The following CENPO variants were observed in gnomAD, a reference collection of about 807,000 sequenced individuals.
CENPO encodes centromeric protein O.
Under a neutral mutation model 36.1 loss-of-function variants are expected in CENPO, and 30 were observed. The ratio of observed to expected loss-of-function variants is 0.83; its 90% confidence interval spans 0.62 to 1.13. The LOEUF (loss-of-function observed/expected upper bound fraction) is 1.13. CENPO is among the 50% of genes most tolerant of loss of function. The pLI is 0.00. For synonymous variants in CENPO, 171 were observed against 142.3 expected, an observed-to-expected ratio of 1.20 and a Z score of -1.44; for missense variants, 349 against 357.8, an observed-to-expected ratio of 0.98 and a Z score of 0.20.
intron 3 of CENPO, among the ~76,000 whole-genome samples, chr2:24,801,118 A>G (rs1666143528): frequency 6.6e-6 from 1 of 152,250 alleles, no homozygotes; most frequent in Admixed American, 6.5e-5. Context: ...GGCTGCAGAA[A>G]TGTCTTCTTT....
chr2:24,822,370 A>G lies in CENPO; in HGVS notation c.*3052A>G. The G allele has an allele frequency of 8.3e-7, 1 of 1,208,398 alleles. No individual in the cohort carries two copies. Among genetic ancestry groups the G allele is most frequent in the Admixed American group, 2.3e-5 (1 of 43,974 alleles). The allele number at this position is 1,208,398 out of a possible 1,614,324, so 74.9% of individuals were successfully genotyped here. A position where few individuals can be genotyped will look rare whatever the true frequency, so the allele number is the denominator to read the frequency against. ...ACTTTCTCAATAAACCCTATTTCTT[A>G]TTTATATTTACGTGGTGCTGGTGGT... On this transcript the variant is annotated 3_prime_UTR_variant, in exon 8 of 8. Transcript: ENST00000380834.
At position 24,805,025 on chromosome 2, in the gene CENPO, C is replaced by A. The variant is rs554046445; in HGVS notation, c.216+5181C>A. ...TATTTCTTGGAGGCTTTGTTCGTTT[C>A]TTTTTATTCTTTTTTCTCTAAACTT... On this transcript the variant is annotated intron_variant, in intron 3 of 7. Transcript: ENST00000380834. Among the ~76,000 whole-genome samples the A allele has an allele frequency of 1.5e-3, 229 of 152,278 alleles. 1 individual carries two copies. The highest frequency in any genetic ancestry group is 5.5e-3 in the African/African-American group (227 of 41,548).
At chr2:24,814,311 G>A in intron 3 of CENPO, 65 bp from the exon 4 acceptor site, 1 of 809,168 alleles carries the variant, frequency 1.2e-6, no homozygotes, top group South Asian at 1.3e-5. Context: ...CATCCAGTTG[G>A]GGGAGGGCGG....
At chr2:24,802,464 T>G (rs981753577) in intron 3 of CENPO, among the ~76,000 whole-genome samples, 6 of 152,202 alleles carry the variant, frequency 3.9e-5, no homozygotes, top group Non-Finnish European at 7.3e-5. Flanking sequence ...GGCTGTGGGT[T>G]TGTCATAGAT....
intron 3 of CENPO, among the ~76,000 whole-genome samples, chr2:24,806,584 G>GTA (rs989259766): frequency 3.9e-5 from 6 of 152,152 alleles, no homozygotes; most frequent in African/African-American, 1.2e-4. Flanking sequence ...TACATATTGG[G>GTA]TATATGCCTG....
intron 4 of CENPO, 95 bp from the exon 5 acceptor site, chr2:24,815,402 C>G (rs1666893842): frequency 3.4e-6 from 3 of 894,484 alleles, no homozygotes; most frequent in Non-Finnish European, 3.7e-6. Flanking sequence ...ACAAAGTGTA[C>G]ATATTCTAGG....
Position 24,820,724 on chromosome 2 carries a change from C to A in CENPO, c.*1406C>A. 6.2e-7 allele frequency: 1 copy of A among 1,614,054 alleles called. No individual in the cohort carries two copies. The highest frequency in any genetic ancestry group is 8.5e-7 in the Non-Finnish European group (1 of 1,179,980). Reference sequence around the variant, plus strand: ...GTGCCAGCTGTGCCACTGGACATACCTGAATGTTGCCCATGACCCCCGTGG... The same window carrying A: ...GTGCCAGCTGTGCCACTGGACATACATGAATGTTGCCCATGACCCCCGTGG... On this transcript the variant is annotated 3_prime_UTR_variant, in exon 8 of 8. Transcript: ENST00000380834.
At chr2:24,811,693 C>T (rs1221916005) in intron 3 of CENPO, among the ~76,000 whole-genome samples, 2 of 152,130 alleles carry the variant, frequency 1.3e-5, no homozygotes, top group Non-Finnish European at 2.9e-5. Context: ...GATCTCCTGA[C>T]CTCGTGATCC....
chr2:24,814,620 TCACACACACACACA>T (rs10618594), intron 4 of CENPO, 127 bp downstream of exon 4: 2 of 545,848 alleles, frequency 3.7e-6, no homozygotes, highest in Non-Finnish European at 6.7e-6. Flanking sequence ...CCCTCATCAC[TCACACACACACACA>T]CACACAGACA....
At chr2:24,797,058 A>G (rs1665939964) in intron 2 of CENPO, among the ~76,000 whole-genome samples, 1 of 152,232 alleles carries the variant, frequency 6.6e-6, no homozygotes, top group African/African-American at 2.4e-5. Context: ...ATTTTGAAAT[A>G]TGGCTTCAGT....
At chr2:24,801,681 T>C (rs1384767801) in intron 3 of CENPO, among the ~76,000 whole-genome samples, 2 of 152,234 alleles carry the variant, frequency 1.3e-5, no homozygotes, top group Non-Finnish European at 2.9e-5. Flanking sequence ...GTTCCATTGG[T>C]CTATATCTCT....
intron 2 of CENPO, among the ~76,000 whole-genome samples, chr2:24,796,535 G>A (rs1224907414): frequency 2.6e-5 from 4 of 152,090 alleles, no homozygotes; most frequent in Admixed American, 1.3e-4. Flanking sequence ...TATAGTGGCC[G>A]GGTGCGGTGG....
intron 4 of CENPO, chr2:24,814,792 C>T (rs1329093158): frequency 3.5e-6 from 1 of 283,754 alleles, no homozygotes; most frequent in Non-Finnish European, 6.6e-6. Context: ...ACTGTCTTTA[C>T]TGCTGGCTTG....
intron 3 of CENPO, among the ~76,000 whole-genome samples, chr2:24,805,224 C>T (rs1038047402): frequency 2.0e-5 from 3 of 152,112 alleles, no homozygotes; most frequent in Non-Finnish European, 2.9e-5. Context: ...GTTAGCCATT[C>T]GTGTAATTTT....
At position 24,821,612 on chromosome 2, in the gene CENPO, T is replaced by G. The variant is rs766171264; in HGVS notation, c.*2294T>G. 1.2e-6 allele frequency: 2 copies of G among 1,614,186 alleles called. No individual in the cohort carries two copies. The highest frequency in any genetic ancestry group is 1.7e-6 in the Non-Finnish European group (2 of 1,180,032). ...GAAGTCGGCCAGGTCAGCCAGGTGCTGCCAGCGCTCTCTCTCGGACTTGTC... is the reference window on the plus strand; with the variant it reads ...GAAGTCGGCCAGGTCAGCCAGGTGCGGCCAGCGCTCTCTCTCGGACTTGTC... On this transcript the variant is annotated 3_prime_UTR_variant, in exon 8 of 8. Coordinates refer to ENST00000380834, the MANE Select transcript of CENPO (RefSeq NM_001322101.2).
intron 3 of CENPO, among the ~76,000 whole-genome samples, chr2:24,801,809 G>A (rs1370554294): frequency 2.0e-5 from 3 of 152,156 alleles, no homozygotes; most frequent in African/African-American, 7.2e-5. Flanking sequence ...TGGCAATGGG[G>A]GCTCTTTTTT....
At chr2:24,803,379 T>A (rs1255166609) in intron 3 of CENPO, among the ~76,000 whole-genome samples, 3 of 151,774 alleles carry the variant, frequency 2.0e-5, no homozygotes, top group South Asian at 2.1e-4. Context: ...AGCTTTTGAA[T>A]GTGTTTGCTT....
chr2:24,821,554 G>A lies in CENPO; in HGVS notation c.*2236G>A. 2 of 1,614,206 alleles carry A rather than the reference G, an allele frequency of 1.2e-6. No homozygotes were observed. The highest frequency in any genetic ancestry group is 1.7e-6 in the Non-Finnish European group (2 of 1,180,028). Reference sequence around the variant, plus strand: ...TGAAGTTATTGAAGGACTGGTTGTTGATGTTGGTGAGCGTATCCTTCATGG... The same window carrying A: ...TGAAGTTATTGAAGGACTGGTTGTTAATGTTGGTGAGCGTATCCTTCATGG... On this transcript the variant is annotated 3_prime_UTR_variant, in exon 8 of 8. Transcript: ENST00000380834.
Position 24,821,692 on chromosome 2 carries a change from C to G in CENPO, c.*2374C>G. 6.3e-7 allele frequency: 1 copy of G among 1,593,500 alleles called. No homozygotes were observed. Among genetic ancestry groups the G allele is most frequent in the South Asian group, 1.1e-5 (1 of 89,060 alleles). ...GTCAGGGGCCGCTCACTGCAGCAGC[C>G]TGCTCTGCTGCCTTCCCTGGCAGTG... On this transcript the variant is annotated 3_prime_UTR_variant, in exon 8 of 8. Transcript: ENST00000380834.
Sources: gnomAD v4.1 joint callset for allele counts (sites outside exome capture counted in the v4.1 genomes callset) on GRCh38, gnomAD v4.1.1 for gene constraint, MANE v1.5 for transcripts, NCBI Gene and HGNC (gene_info 2026-07-23, HGNC 2026-07-21) for gene names.